The following CNNM1 variants were observed in gnomAD, a reference collection of about 807,000 sequenced individuals.
CNNM1 encodes the protein metal transporter CNNM1.
Under a neutral mutation model 78.8 loss-of-function variants are expected in CNNM1, and 44 were observed. The ratio of observed to expected loss-of-function variants is 0.56; its 90% confidence interval spans 0.44 to 0.72. The LOEUF is 0.72. CNNM1 is among the 30% of genes least tolerant of loss of function. CNNM1 has a pLI of 0.00. For missense variants in CNNM1, 1,101 were observed against 1,292.2 expected, an observed-to-expected ratio of 0.85 and a Z score of 2.27; for synonymous variants, 584 against 581.5, an observed-to-expected ratio of 1.00 and a Z score of -0.06.
chr10:99,356,566 AAG>A (rs1341021023), intron 1 of CNNM1, among the ~76,000 whole-genome samples: 7 of 55,226 alleles, frequency 1.3e-4, no homozygotes, highest in Admixed American at 2.1e-4. Context: ...GACAGACAGA[AAG>A]AAAGAAAGAA....
intron 7 of CNNM1, among the ~76,000 whole-genome samples, chr10:99,380,988 C>T (rs1322117313): frequency 1.3e-5 from 2 of 152,090 alleles, no homozygotes; most frequent in East Asian, 3.8e-4. Flanking sequence ...TTTGTCCAAA[C>T]AGAAGACTTT....
chr10:99,344,272 C>T (rs1447303929), intron 1 of CNNM1, among the ~76,000 whole-genome samples: 1 of 140,174 alleles, frequency 7.1e-6, no homozygotes, highest in Non-Finnish European at 1.5e-5. Flanking sequence ...GTGGAGGTTG[C>T]AGTGAGCTGA....
At chr10:99,384,854 G>A (rs542133804) in intron 7 of CNNM1, among the ~76,000 whole-genome samples, 97 of 152,152 alleles carry the variant, frequency 6.4e-4, no homozygotes, top group African/African-American at 2.3e-3. Flanking sequence ...GTCACCTGAG[G>A]TCGGTAGTTC....
chr10:99,352,791 A>G (rs1452044512), intron 1 of CNNM1, among the ~76,000 whole-genome samples: 1 of 151,168 alleles, frequency 6.6e-6, no homozygotes, highest in Non-Finnish European at 1.5e-5. Flanking sequence ...ATTTTCTCCC[A>G]TTCTGTGAAT....
Position 99,364,470 on chromosome 10 carries a change from C to T in CNNM1, c.2082C>T (p.Ala694=). Residue 694 remains alanine (A), a synonymous_variant, in exon 5 of 11, where the codon GCC becomes GCT. Transcript: ENST00000356713. The part of the protein sequence containing the change: ...GKEGLRFENG[A]FTYYGVPAIM... ...AAGGCCTTCGCTTTGAAAATGGAGC[C>T]TTTACTTACTATGGCGTCCCAGCCA... 1 of 1,612,634 alleles carries T rather than the reference C, an allele frequency of 6.2e-7. No homozygotes were observed. Among genetic ancestry groups the T allele is most frequent in the Non-Finnish European group, 8.5e-7 (1 of 1,179,494 alleles).
At position 99,373,686 on chromosome 10, in the gene CNNM1, C is replaced by T. The variant is rs1041678076; in HGVS notation, c.2177-3369C>T. Among the ~76,000 whole-genome samples, 5 of 152,176 alleles carry T rather than the reference C, an allele frequency of 3.3e-5. No homozygotes were observed. In the East Asian group the frequency reaches 9.6e-4, roughly 29 times the overall value. ...TCACCCAAATAGTATACATTGTACT[C>T]ATTAAGTAATTTCTATCCCTCACCC... On this transcript the variant is annotated intron_variant, in intron 6 of 10. Transcript: ENST00000356713.
chr10:99,377,277 C>A, intron 7 of CNNM1, 59 bp downstream of exon 7: 2 of 1,530,268 alleles, frequency 1.3e-6, no homozygotes, highest in Non-Finnish European at 1.8e-6. Context: ...GCTGGCTGAG[C>A]GGGACAAGAA....
Position 99,332,817 on chromosome 10 carries a change from C to T in CNNM1, c.1573+1857C>T, listed in dbSNP as rs183003187. Among the ~76,000 whole-genome samples, 267 of 152,268 alleles carry T rather than the reference C, an allele frequency of 1.8e-3. 1 individual carries two copies. The highest frequency in any genetic ancestry group is 5.8e-3 in the African/African-American group (240 of 41,558). On this transcript the variant is annotated intron_variant, in intron 1 of 10. Coordinates refer to ENST00000356713, the MANE Select transcript of CNNM1 (RefSeq NM_020348.3). Reference sequence around the variant, plus strand: ...TATGGCAGCTATTTTAGTCCATTTTCGGTTGCTGTCTCACCCTGTTCAGTC... The same window carrying T: ...TATGGCAGCTATTTTAGTCCATTTTTGGTTGCTGTCTCACCCTGTTCAGTC...
intron 7 of CNNM1, among the ~76,000 whole-genome samples, chr10:99,386,609 TG>T (rs1262173688): frequency 3.3e-5 from 5 of 152,238 alleles, no homozygotes; most frequent in African/African-American, 1.2e-4. Context: ...AGAATTTGCT[TG>T]GTTCTCTTGC....
At chr10:99,357,389 G>A (rs2031259298) in intron 1 of CNNM1, 123 bp from the exon 2 acceptor site, 1 of 775,836 alleles carries the variant, frequency 1.3e-6, no homozygotes, top group South Asian at 3.3e-5. Context: ...CATATTTTAA[G>A]GAGGTCCAGG....
chr10:99,347,710 C>A (rs943393259), intron 1 of CNNM1, among the ~76,000 whole-genome samples: 1 of 151,928 alleles, frequency 6.6e-6, no homozygotes, highest in Non-Finnish European at 1.5e-5. Flanking sequence ...ACTCCCTGAC[C>A]TTGGCTCCCA....
intron 1 of CNNM1, among the ~76,000 whole-genome samples, chr10:99,356,562 C>CAGACAGACAGAAAGAAAAGAAA: frequency 2.0e-5 from 2 of 98,538 alleles, no homozygotes; most frequent in Non-Finnish European, 4.2e-5. Context: ...GACAGACAGA[C>CAGACAGACAGAAAGAAAAGAAA]AGAAAGAAAG....
At chr10:99,365,160 G>C in intron 6 of CNNM1, 158 bp downstream of exon 6, 2 of 741,710 alleles carry the variant, frequency 2.7e-6, no homozygotes, top group Non-Finnish European at 4.8e-6. Flanking sequence ...CTTCCTGCCA[G>C]GTACCCACAG....
rs906262113 is a variant in CNNM1, at chr10:99,387,990, G to A, written c.2511G>A (p.Arg837=). 3 of 1,591,696 alleles carry A rather than the reference G, an allele frequency of 1.9e-6. No individual in the cohort carries two copies. Among genetic ancestry groups the A allele is most frequent in the Non-Finnish European group, 2.6e-6 (3 of 1,168,578 alleles). The part of the protein sequence containing the change: ...DDPAITLLNN[R]NSLPCSRSDG... ...CCGCCATCACGCTCCTCAACAACAG[G>A]AACAGCCTGCCGTGTAAGTCAGCTG... is the stretch of plus-strand genomic sequence containing the variant. Residue 837 remains arginine (R), a synonymous_variant, in exon 8 of 11, where the codon AGG becomes AGA. Transcript: ENST00000356713.
Position 99,365,012 on chromosome 10 carries a change from T to C in CNNM1, c.2176+10T>C. 2 of 1,613,876 alleles carry C rather than the reference T, an allele frequency of 1.2e-6. No individual in the cohort carries two copies. Among genetic ancestry groups the C allele is most frequent in the Non-Finnish European group, 1.7e-6 (2 of 1,179,800 alleles). On this transcript the variant is annotated intron_variant, in intron 6 of 10. Transcript: ENST00000356713. ...GGATCTTCTGTCTTTCGTATGTATC[T>C]CTCAAACCCCTTCCTCGTCCTCCCC...
intron 6 of CNNM1, 75 bp downstream of exon 6, chr10:99,365,077 G>C (rs767956804): frequency 6.8e-7 from 1 of 1,469,456 alleles, no homozygotes. Flanking sequence ...GACCTGGACC[G>C]AGCACTTTGA....
chr10:99,347,016 G>T (rs1007716574), intron 1 of CNNM1, among the ~76,000 whole-genome samples: 5 of 152,080 alleles, frequency 3.3e-5, no homozygotes, highest in Admixed American at 1.3e-4. Context: ...AGAACACGTG[G>T]ACACAAAGAG....
chr10:99,366,243 T>C (rs937423937), intron 6 of CNNM1, among the ~76,000 whole-genome samples: 23 of 152,174 alleles, frequency 1.5e-4, no homozygotes, highest in African/African-American at 5.3e-4. Context: ...GAAGCATTAG[T>C]GTTCAGTAGA....
At chr10:99,351,949 CT>C (rs1472782435) in intron 1 of CNNM1, among the ~76,000 whole-genome samples, 2 of 152,068 alleles carry the variant, frequency 1.3e-5, no homozygotes, top group Admixed American at 1.3e-4. Context: ...TTTCAATTGG[CT>C]TTCTTTTTAA....
Sources: allele counts gnomAD v4.1 joint callset (sites outside exome capture counted in the v4.1 genomes callset), GRCh38; gene constraint gnomAD v4.1.1; transcripts MANE v1.5; gene names NCBI Gene and HGNC (gene_info 2026-07-23, HGNC 2026-07-21).